Variants in TM9SF2 observed in about 807,000 individuals in gnomAD.
TM9SF2 encodes the protein transmembrane 9 superfamily member 2.
Under a neutral mutation model 84.9 loss-of-function variants are expected in TM9SF2, and 13 were observed. The ratio of observed to expected loss-of-function variants is 0.15; its 90% CI spans 0.10 to 0.24. The LOEUF is 0.24. TM9SF2 is among the 10% of genes least tolerant of loss of function. The pLI is 1.00. For synonymous variants in TM9SF2, 273 were observed against 285.8 expected (o/e 0.96, Z 0.45); for missense variants, 562 against 818.5 (o/e 0.69, Z 3.82).
chr13:99,530,135 A>G (rs1294273994), intron 4 of TM9SF2, among the ~76,000 whole-genome samples: 2 of 152,282 alleles, frequency 1.3e-5, no homozygotes, highest in Admixed American at 6.5e-5. Flanking sequence ...TGTTGAAAAA[A>G]TGGCACTGAT....
At chr13:99,522,479 A>G (rs943203294) in intron 3 of TM9SF2, among the ~76,000 whole-genome samples, 16 of 152,366 alleles carry the variant, frequency 1.1e-4, no homozygotes, top group African/African-American at 3.6e-4. Flanking sequence ...CAGGGCAGGC[A>G]TGTAACTTGC....
intron 6 of TM9SF2, among the ~76,000 whole-genome samples, chr13:99,538,265 A>G (rs1291884785): frequency 2.0e-5 from 3 of 152,174 alleles, no homozygotes; most frequent in East Asian, 3.8e-4. Context: ...TCAAGCCCCT[A>G]TGCAGTGTTA....
chr13:99,536,810 A>G (rs1224481184), intron 5 of TM9SF2, 73 bp downstream of exon 5: 9 of 1,546,556 alleles, frequency 5.8e-6, no homozygotes, highest in Non-Finnish European at 7.0e-6. Context: ...TACCTGGACA[A>G]AAATTGTTAT....
chr13:99,523,887 G>C (rs1048867712), intron 3 of TM9SF2, among the ~76,000 whole-genome samples: 4 of 152,188 alleles, frequency 2.6e-5, no homozygotes, highest in Non-Finnish European at 5.9e-5. Context: ...TACTGCAAAG[G>C]TGGATTTAAA....
intron 1 of TM9SF2, among the ~76,000 whole-genome samples, chr13:99,512,909 C>T (rs2046119393): frequency 6.6e-6 from 1 of 152,144 alleles, no homozygotes; most frequent in South Asian, 2.1e-4. Flanking sequence ...AGAGAATGCA[C>T]ATGAAATACT....
In TM9SF2 at chr13:99,501,748, G is replaced by A. The variant is rs1209750658; in HGVS notation, c.142G>A (p.Asp48Asn). The change falls in exon 1 of 17, where the codon GAC becomes AAC. Residue 48 changes from aspartate to asparagine, a missense_variant. Asp to Asn is a conservative substitution (Grantham distance 23). Coordinates refer to ENST00000376387, the MANE Select transcript of TM9SF2 (RefSeq NM_004800.3). ...LPGLAPVNFC[D>N]EEKKSDECKA... is the part of the protein sequence containing the mutation. ...CGGCCTGGCGCCCGTCAACTTCTGC[G>A]ACGAAGAAAAAAAGAGCGACGAGTG... The A allele has an allele frequency of 1.2e-6, 2 of 1,611,448 alleles. No individual in the cohort carries two copies. Among genetic ancestry groups the A allele is most frequent in the Non-Finnish European group, 1.7e-6 (2 of 1,179,446 alleles).
At chr13:99,527,187 G>A (rs2046187337) in intron 3 of TM9SF2, among the ~76,000 whole-genome samples, 1 of 152,272 alleles carries the variant, frequency 6.6e-6, no homozygotes, top group African/African-American at 2.4e-5. Context: ...GACTTCTGGT[G>A]GTGACTAATA....
At position 99,563,648 on chromosome 13, in the gene TM9SF2, C is replaced by A. The variant is rs911915567; in HGVS notation, c.*890C>A. The A allele has an allele frequency of 4.6e-5, 7 of 152,144 alleles. No individual in the cohort carries two copies. Among genetic ancestry groups the A allele is most frequent in the African/African-American group, 1.7e-4 (7 of 41,422 alleles). The allele number at this position is 152,144 out of a possible 1,614,324, so 9.4% of individuals were successfully genotyped here. A position where few individuals can be genotyped will look rare whatever the true frequency, so the allele number is the denominator to read the frequency against. On this transcript the variant is annotated 3_prime_UTR_variant, in exon 17 of 17. Coordinates refer to ENST00000376387, the MANE Select transcript of TM9SF2 (RefSeq NM_004800.3). Reference sequence around the variant, plus strand: ...TTATCTGCAAGTACTTAAGGTGGAGCCTTACTACATTGTCATTAAGGAGTT... The same window carrying A: ...TTATCTGCAAGTACTTAAGGTGGAGACTTACTACATTGTCATTAAGGAGTT...
chr13:99,518,663 C>T (rs1479763433), intron 2 of TM9SF2, among the ~76,000 whole-genome samples: 1 of 152,090 alleles, frequency 6.6e-6, no homozygotes, highest in Non-Finnish European at 1.5e-5. Context: ...GTGGCACGAT[C>T]ATGGCTCACT....
intron 3 of TM9SF2, among the ~76,000 whole-genome samples, chr13:99,522,924 G>C (rs550995826): frequency 6.6e-6 from 1 of 152,250 alleles, no homozygotes; most frequent in African/African-American, 2.4e-5. Context: ...TGTAGAAGTT[G>C]AGGTTAAATA....
intron 2 of TM9SF2, 134 bp from the exon 3 acceptor site, chr13:99,519,902 G>A: frequency 1.6e-6 from 1 of 637,510 alleles, no homozygotes; most frequent in Admixed American, 3.3e-5. Context: ...AGGACTTGGA[G>A]TATGGATAGA....
rs557841374 is a variant in TM9SF2, at chr13:99,522,481, G to A, written c.333+2352G>A. 5.3e-5 allele frequency among the ~76,000 whole-genome samples: 8 copies of A among 152,358 alleles called. No homozygotes were observed. The South Asian group carries it at 1.7e-3, about 32-fold the overall frequency. On this transcript the variant is annotated intron_variant, in intron 3 of 16. Coordinates refer to ENST00000376387, the MANE Select transcript of TM9SF2 (RefSeq NM_004800.3). ...GGGTGCCATTGAGCAGGGCAGGCAT[G>A]TAACTTGCGAAACACCTCTTCCCTC...
intron 1 of TM9SF2, among the ~76,000 whole-genome samples, chr13:99,510,731 C>T (rs2046110183): frequency 6.6e-6 from 1 of 152,190 alleles, no homozygotes; most frequent in African/African-American, 2.4e-5. Flanking sequence ...GCAAGCTCCA[C>T]CTCCAACACT....
intron 9 of TM9SF2, among the ~76,000 whole-genome samples, chr13:99,542,747 CTG>C (rs1246585022): frequency 6.6e-6 from 1 of 152,116 alleles, no homozygotes; most frequent in Non-Finnish European, 1.5e-5. Context: ...TTAAAATACT[CTG>C]TTTATAATTG....
intron 15 of TM9SF2, among the ~76,000 whole-genome samples, chr13:99,556,679 G>T (rs2046326103): frequency 6.6e-6 from 1 of 151,884 alleles, no homozygotes; most frequent in Admixed American, 6.6e-5. Flanking sequence ...CACCTCCCGG[G>T]TTCATGCCAT....
At position 99,525,828 on chromosome 13, in the gene TM9SF2, T is replaced by C. The variant is rs957338173; in HGVS notation, c.334-3639T>C. On this transcript the variant is annotated intron_variant, in intron 3 of 16. Transcript: ENST00000376387. ...CCTCGGCCTCCCAAAGTGCTGGGAT[T>C]ACAGGCGTGAGCCACCGCGCCCGGC... Among the ~76,000 whole-genome samples the C allele has an allele frequency of 6.6e-5, 10 of 152,324 alleles. No individual in the cohort carries two copies. In the East Asian group the frequency reaches 1.9e-3, roughly 29 times the overall value.
intron 2 of TM9SF2, among the ~76,000 whole-genome samples, chr13:99,518,763 ATT>A (rs34847688): frequency 0.35 from 45,365 of 128,568 alleles, 8,847 homozygotes; most frequent in Non-Finnish European, 0.48. Flanking sequence ...TGCCCAGCTA[ATT>A]TTTTTTTTTT....
At chr13:99,551,104 ATGGTAG>A (rs1566572974) in intron 12 of TM9SF2, among the ~76,000 whole-genome samples, 1 of 152,254 alleles carries the variant, frequency 6.6e-6, no homozygotes, top group African/African-American at 2.4e-5. Context: ...AAATGTTTTA[ATGGTAG>A]TGGTAGTTGT....
chr13:99,518,364 GC>G (rs1453401514), intron 2 of TM9SF2, among the ~76,000 whole-genome samples: 1 of 152,202 alleles, frequency 6.6e-6, no homozygotes, highest in Non-Finnish European at 1.5e-5. Context: ...ACCCACCTTG[GC>G]CTCCCAAAGT....
Sources: gnomAD v4.1 joint callset for allele counts (sites outside exome capture counted in the v4.1 genomes callset) on GRCh38, gnomAD v4.1.1 for gene constraint, MANE v1.5 for transcripts, NCBI Gene and HGNC (gene_info 2026-07-23, HGNC 2026-07-21) for gene names.